GTF3C1: variants seen among roughly 807,000 people sequenced by gnomAD.
GTF3C1 encodes general transcription factor IIIC subunit 1, also known as general transcription factor 3C polypeptide 1.
A neutral mutation model predicts 226.7 loss-of-function variants in GTF3C1; 57 were observed. That is an observed-to-expected ratio of 0.25 (90% CI 0.20 to 0.31). GTF3C1 has a LOEUF of 0.31. Among genes scored for constraint, GTF3C1 ranks in the 10% least tolerant of loss-of-function variants. GTF3C1 has a pLI of 1.00. For synonymous variants in GTF3C1, 1,090 were observed against 1,084.8 expected (o/e 1.00, Z -0.09); for missense variants, 2,217 against 2,776.1 (o/e 0.80, Z 4.53).
rs2087732247 is a variant in GTF3C1, at chr16:27,463,314, G to A, written c.5924+227C>T. On this transcript the variant is annotated intron_variant, in intron 35 of 36. Coordinates refer to ENST00000356183, the MANE Select transcript of GTF3C1 (RefSeq NM_001520.4). This position sits in a 1 kb window ranked among gnomAD's most constrained non-coding sequence, Gnocchi z 4.9. ...CTCCACCAGCGCCCTGGGCATTCTG[G>A]AAGCGCAGCCCTCATTCCAGGCCGA... 1.8e-6 allele frequency: 1 copy of A among 565,678 alleles called. No homozygotes were observed. The highest frequency in any genetic ancestry group is 3.1e-6 in the Non-Finnish European group (1 of 320,448). 35.0% of individuals were successfully genotyped at this position (565,678 alleles called of 1,614,324 possible). A position where few individuals can be genotyped will look rare whatever the true frequency, so the allele number is the denominator to read the frequency against.
Position 27,506,024 on chromosome 16 carries a change from T to A in GTF3C1, c.1645A>T (p.Ser549Cys). ...CTGGTATCTAAGAGGCTGTCCCTGC[T>A]GGCAAGGCTCTGGCAGGCTCTCTCT... ...AEERACQSLA[S>C]RDSLLDTSSV... Residue 549 changes from serine to cysteine, a missense_variant, in exon 10 of 37, where the codon AGC becomes TGC. Physicochemically the swap from Ser to Cys is moderately radical, Grantham distance 112. This residue lies in a region of GTF3C1 where 173 missense variants were observed against 207.2 expected (regional missense o/e 0.83). Coordinates refer to ENST00000356183, the MANE Select transcript of GTF3C1 (RefSeq NM_001520.4). The A allele has an allele frequency of 6.2e-7, 1 of 1,613,106 alleles. No homozygotes were observed. The highest frequency in any genetic ancestry group is 8.5e-7 in the Non-Finnish European group (1 of 1,178,988).
intron 23 of GTF3C1, 70 bp downstream of exon 23, chr16:27,488,157 T>C: frequency 7.3e-7 from 1 of 1,370,816 alleles, no homozygotes; most frequent in Non-Finnish European, 1.0e-6. Flanking sequence ...CTGGCTGGAG[T>C]GAGGCTGTCG....
chr16:27,484,754 G>A (rs747951222), intron 24 of GTF3C1, among the ~76,000 whole-genome samples: 16 of 152,246 alleles, frequency 1.1e-4, no homozygotes, highest in Non-Finnish European at 1.6e-4. Flanking sequence ...TGTTGTGCTT[G>A]TATGTTATGT....
At chr16:27,520,765 G>T (rs2088734300) in intron 6 of GTF3C1, among the ~76,000 whole-genome samples, 1 of 152,102 alleles carries the variant, frequency 6.6e-6, no homozygotes, top group Admixed American at 6.5e-5. Flanking sequence ...TGTCGCCCAG[G>T]CTGGAGAACA....
At chr16:27,516,615 T>G (rs1410285289) in intron 6 of GTF3C1, among the ~76,000 whole-genome samples, 1 of 152,224 alleles carries the variant, frequency 6.6e-6, no homozygotes, top group Non-Finnish European at 1.5e-5. Flanking sequence ...AGACACATTT[T>G]CCTTTCCCCA....
chr16:27,515,439 T>A (rs2141417234), intron 6 of GTF3C1, among the ~76,000 whole-genome samples: 1 of 151,090 alleles, frequency 6.6e-6, no homozygotes, highest in East Asian at 1.9e-4. Flanking sequence ...AGAGTGAGAC[T>A]CTGTTTCAAA....
At position 27,461,714 on chromosome 16, in the gene GTF3C1, T is replaced by C. The variant is rs1445377654; in HGVS notation, c.6118-152A>G. 1.6e-6 allele frequency: 1 copy of C among 633,284 alleles called. No homozygotes were observed. Among genetic ancestry groups the C allele is most frequent in the African/African-American group, 1.8e-5 (1 of 54,834 alleles). 39.2% of individuals were successfully genotyped at this position (633,284 alleles called of 1,614,324 possible). ...ACTGGGCATGAGGCAGATGGGGATG[T>C]ACCAGGAGGGTTCAGGCAAAGGCCC... On this transcript the variant is annotated intron_variant, in intron 36 of 36. Transcript: ENST00000356183. The surrounding 1 kb of genome is among the most constrained non-coding windows in gnomAD (Gnocchi z 5.3).
chr16:27,514,393 C>T (rs146982030), intron 6 of GTF3C1, among the ~76,000 whole-genome samples: 181 of 152,282 alleles, frequency 1.2e-3, no homozygotes, highest in African/African-American at 4.2e-3. Flanking sequence ...ACTTTCGGGA[C>T]TGTGGACATG....
chr16:27,545,286 G>A (rs1424091353), intron 2 of GTF3C1, 28 bp downstream of exon 2: 1 of 1,543,320 alleles, frequency 6.5e-7, no homozygotes, highest in South Asian at 1.1e-5. Flanking sequence ...CAGATTCCCA[G>A]GAATTTCTGA....
At chr16:27,527,518 T>C (rs1256698792) in intron 6 of GTF3C1, among the ~76,000 whole-genome samples, 4 of 152,054 alleles carry the variant, frequency 2.6e-5, no homozygotes, top group African/African-American at 9.7e-5. Context: ...GTATGCTCCT[T>C]AAGTTAACTT....
chr16:27,522,854 T>C (rs1485638372), intron 6 of GTF3C1, among the ~76,000 whole-genome samples: 1 of 152,256 alleles, frequency 6.6e-6, no homozygotes, highest in East Asian at 1.9e-4. Context: ...AACAAAATTG[T>C]TTTCTTAATT....
intron 29 of GTF3C1, among the ~76,000 whole-genome samples, chr16:27,474,008 G>C (rs2087916336): frequency 6.6e-6 from 1 of 152,218 alleles, no homozygotes; most frequent in African/African-American, 2.4e-5. Flanking sequence ...GCCATGTGTG[G>C]TGAGTTGGGG....
In GTF3C1 at chr16:27,462,359, C is replaced by T. The variant is rs753756165; in HGVS notation, c.6052G>A (p.Glu2018Lys). Residue 2018 changes from glutamate to lysine, a missense_variant, in exon 36 of 37, where the codon GAG (glutamate) becomes AAG (lysine). Glu to Lys is a moderately conservative substitution (Grantham distance 56, BLOSUM62 1). Around this residue, in one of 12 missense-constraint regions of GTF3C1, gnomAD observed 153 missense variants for 199.8 expected, o/e 0.77. Coordinates refer to ENST00000356183, the MANE Select transcript of GTF3C1 (RefSeq NM_001520.4). The surrounding 1 kb of genome is among the most constrained non-coding windows in gnomAD (Gnocchi z 4.5). The stretch of plus-strand genomic sequence containing the variant: ...TGGTAGTGGCGCAGCAGGGAGCTCT[C>T]GGGGATGCCAGGCCTGGTCATGATG... ...YHIMTRPGIP[E>K]SSLLRHYQGV... is the part of the protein sequence containing the mutation. 4.4e-6 allele frequency: 7 copies of T among 1,587,220 alleles called. No homozygotes were observed. In the South Asian group the frequency reaches 4.6e-5, roughly 10 times the overall value.
At chr16:27,525,423 G>C (rs777690911) in intron 6 of GTF3C1, among the ~76,000 whole-genome samples, 1 of 152,198 alleles carries the variant, frequency 6.6e-6, no homozygotes, top group African/African-American at 2.4e-5. Flanking sequence ...GGAACTCAAA[G>C]ATGAGGTTTT....
chr16:27,480,961 G>A, intron 27 of GTF3C1, 118 bp downstream of exon 27: 1 of 773,384 alleles, frequency 1.3e-6, no homozygotes, highest in African/African-American at 1.7e-5. Flanking sequence ...CCACTGCAAG[G>A]CCAAATGCAG....
At chr16:27,472,939 C>T (rs550846270) in intron 29 of GTF3C1, among the ~76,000 whole-genome samples, 1 of 151,960 alleles carries the variant, frequency 6.6e-6, no homozygotes, top group Non-Finnish European at 1.5e-5. Context: ...TTTTTTGAGC[C>T]AGGGTCTCAC....
At position 27,492,558 on chromosome 16, in the gene GTF3C1, G is replaced by A; in HGVS notation, c.2974-43C>T. The A allele has an allele frequency of 1.3e-6, 2 of 1,542,626 alleles. No homozygotes were observed. Among genetic ancestry groups the A allele is most frequent in the Non-Finnish European group, 9.0e-7 (1 of 1,114,816 alleles). On this transcript the variant is annotated intron_variant, in intron 18 of 36. Coordinates refer to ENST00000356183, the MANE Select transcript of GTF3C1 (RefSeq NM_001520.4). The surrounding 1 kb of genome is among the most constrained non-coding windows in gnomAD (Gnocchi z 5.0). ...ACAGGGAGAACCCACATTGGGTCTG[G>A]CTGCTTGGAGACCGTTTAACAATCA...
chr16:27,473,435 G>C (rs961984400), intron 29 of GTF3C1, among the ~76,000 whole-genome samples: 1 of 152,244 alleles, frequency 6.6e-6, no homozygotes, highest in Non-Finnish European at 1.5e-5. Context: ...CATCCTCTGA[G>C]AGAGCTCCTA....
rs2087710561 is a variant in GTF3C1 at position 27,461,841 on chromosome 16, T to A, written c.6118-279A>T. ...GGAGAGGCCTGCAGCGCGGGATAAA[T>A]CCCAGCTTCCTGTGAGCCAAGACTG... On this transcript the variant is annotated intron_variant, in intron 36 of 36. Transcript: ENST00000356183. This position sits in a 1 kb window ranked among gnomAD's most constrained non-coding sequence, Gnocchi z 5.3. 2.2e-6 allele frequency: 1 copy of A among 455,414 alleles called. No homozygotes were observed. The highest frequency in any genetic ancestry group is 4.0e-6 in the Non-Finnish European group (1 of 252,084). The allele number at this position is 455,414 out of a possible 1,614,324, so 28.2% of individuals were successfully genotyped here.
Sources: allele counts gnomAD v4.1 joint callset (sites outside exome capture counted in the v4.1 genomes callset), GRCh38; gene constraint gnomAD v4.1.1; regional missense constraint gnomAD v4.1.1; non-coding constraint Gnocchi (gnomAD v3.1); transcripts MANE v1.5; gene names NCBI Gene and HGNC (gene_info 2026-07-23, HGNC 2026-07-21).